The following DPH6 variants were observed in gnomAD, a reference collection of about 807,000 sequenced individuals.
DPH6 encodes the protein diphthamine biosynthesis 6, also known as diphthine--ammonia ligase.
A neutral mutation model predicts 38.2 loss-of-function variants in DPH6; 33 were observed. The ratio of observed to expected loss-of-function variants is 0.86; its 90% CI spans 0.65 to 1.15. The LOEUF is 1.15. Ranked by LOEUF, DPH6 falls within the 50% of genes most tolerant of loss-of-function variation. DPH6 has a pLI of 0.00. For synonymous variants in DPH6, 108 were observed against 103.0 expected, an observed-to-expected ratio of 1.05 and a Z score of -0.30; for missense variants, 325 against 320.0, an observed-to-expected ratio of 1.02 and a Z score of -0.12.
chr15:35,545,941 CCGAGGCACATGCGG>C (rs1185297415), intron 1 of DPH6, among the ~76,000 whole-genome samples, 164 bp downstream of exon 1: 10 of 152,122 alleles, frequency 6.6e-5, no homozygotes, highest in Non-Finnish European at 1.3e-4. Context: ...CAGCCAGGGG[CCGAGGCACATGCGG>C]GCCGGCAACA....
intron 3 of DPH6, among the ~76,000 whole-genome samples, chr15:35,283,506 C>T (rs1595460476): frequency 6.6e-6 from 1 of 151,862 alleles, no homozygotes; most frequent in South Asian, 2.1e-4. Flanking sequence ...CCATATTGGC[C>T]AGGCTGGTCT....
intron 3 of DPH6, among the ~76,000 whole-genome samples, chr15:35,257,725 A>G (rs575679210): frequency 6.6e-6 from 1 of 151,534 alleles, no homozygotes; most frequent in East Asian, 1.9e-4. Context: ...GTTGTTCAAG[A>G]ATTCCATGCT....
intron 3 of DPH6, among the ~76,000 whole-genome samples, chr15:35,344,008 A>C (rs1017168879): frequency 2.0e-5 from 3 of 152,082 alleles, no homozygotes; most frequent in Non-Finnish European, 4.4e-5. Flanking sequence ...CTGGATAAGC[A>C]TTCATTACCC....
At chr15:35,522,376 C>T in intron 3 of DPH6, 1 of 1,219,680 alleles carries the variant, frequency 8.2e-7, no homozygotes, top group Non-Finnish European at 1.1e-6. Flanking sequence ...ACCAGTCAGG[C>T]TGTCTCTGCT....
chr15:35,525,748 GA>G (rs2054991055), intron 3 of DPH6, among the ~76,000 whole-genome samples: 2 of 152,106 alleles, frequency 1.3e-5, no homozygotes, highest in South Asian at 4.1e-4. Context: ...GCTGAGGCAG[GA>G]AGATGAACTG....
In DPH6 at chr15:35,468,113, A is replaced by G. The variant is rs530596053; in HGVS notation, c.313-13293T>C. On this transcript the variant is annotated intron_variant, in intron 3 of 8. Transcript: ENST00000256538. ...AAGTAAGGCTATTTCTCAAATTTCA[A>G]TCTGCTTCAACATTCAGTCACCCAA... is the stretch of plus-strand genomic sequence containing the variant. 1.1e-4 allele frequency among the ~76,000 whole-genome samples: 16 copies of G among 152,352 alleles called. 1 individual carries two copies. Among genetic ancestry groups the G allele is most frequent in the African/African-American group, 2.9e-4 (12 of 41,584 alleles).
the DPH6 span, among the ~76,000 whole-genome samples, chr15:35,165,291 GT>G: frequency 6.6e-6 from 1 of 151,848 alleles, no homozygotes; most frequent in Non-Finnish European, 1.5e-5. Flanking sequence ...TGAATTCTCA[GT>G]TTTGTACAGC....
At chr15:35,360,613 G>A (rs931807369) in intron 3 of DPH6, among the ~76,000 whole-genome samples, 2 of 152,198 alleles carry the variant, frequency 1.3e-5, no homozygotes, top group African/African-American at 4.8e-5. Flanking sequence ...CCATAGCAGA[G>A]TGGAAATGGA....
At chr15:35,427,655 T>A (rs114319134) in intron 5 of DPH6, among the ~76,000 whole-genome samples, 247 of 151,848 alleles carry the variant, frequency 1.6e-3, no homozygotes, top group African/African-American at 5.4e-3. Flanking sequence ...CCTATTAAAC[T>A]TATCTGGAAA....
At chr15:35,232,113 T>G (rs975789100) in intron 3 of DPH6, among the ~76,000 whole-genome samples, 1 of 152,140 alleles carries the variant, frequency 6.6e-6, no homozygotes, top group Non-Finnish European at 1.5e-5. Context: ...AATGAGATTA[T>G]GGAGGGCTTG....
At chr15:35,278,335 G>A (rs1162032040) in intron 3 of DPH6, among the ~76,000 whole-genome samples, 1 of 152,246 alleles carries the variant, frequency 6.6e-6, no homozygotes, top group Non-Finnish European at 1.5e-5. Context: ...CAGCTTTCAT[G>A]TGGCAGTAAG....
At chr15:35,395,892 C>T (rs1050080232) in intron 6 of DPH6, among the ~76,000 whole-genome samples, 2 of 152,152 alleles carry the variant, frequency 1.3e-5, no homozygotes, top group African/African-American at 2.4e-5. Context: ...TAGCATAGAA[C>T]TGGGTATAGA....
intron 6 of DPH6, among the ~76,000 whole-genome samples, chr15:35,395,740 A>C (rs989485959): frequency 1.3e-5 from 2 of 152,128 alleles, no homozygotes; most frequent in Non-Finnish European, 1.5e-5. Context: ...GTTTGACTTT[A>C]CCTAGTTAAA....
the DPH6 span, among the ~76,000 whole-genome samples, chr15:35,208,850 T>C: frequency 2.0e-5 from 3 of 152,160 alleles, no homozygotes; most frequent in Admixed American, 6.6e-5. Context: ...TTCAGAACCA[T>C]TTTGTTAAGT....
chr15:35,152,726 T>G, the DPH6 span, among the ~76,000 whole-genome samples: 1 of 152,222 alleles, frequency 6.6e-6, no homozygotes, highest in Non-Finnish European at 1.5e-5. Flanking sequence ...CTCGAACTCC[T>G]GACCTCAGGT....
intron 3 of DPH6, among the ~76,000 whole-genome samples, chr15:35,306,805 C>G (rs939242634): frequency 6.6e-6 from 1 of 152,122 alleles, no homozygotes; most frequent in African/African-American, 2.4e-5. Context: ...CTGTAATTAC[C>G]TCAGCAGAGC....
rs752473433 is a variant in DPH6 at position 35,397,868 on chromosome 15, T to TATATACACACAC, written c.567+12966_567+12967insGTGTGTGTATAT. On this transcript the variant is annotated intron_variant, in intron 6 of 8. Coordinates refer to ENST00000256538, the MANE Select transcript of DPH6 (RefSeq NM_080650.4). ...AATAGATGGAATCAATTTATATATATACACACACACACACACACACACACA... is the reference window on the plus strand; with the variant it reads ...AATAGATGGAATCAATTTATATATATATATACACACACACACACACACACACACACACACACA... 1.5e-3 allele frequency among the ~76,000 whole-genome samples: 132 copies of TATATACACACAC among 87,288 alleles called. 1 individual carries two copies. In the Middle Eastern group the frequency reaches 0.024, roughly 16 times the overall value. 57.3% of individuals were successfully genotyped at this position (87,288 alleles called of 152,430 possible). A position where few individuals can be genotyped will look rare whatever the true frequency, so the allele number is the denominator to read the frequency against.
At chr15:35,453,554 AACG>A (rs2053961544) in intron 4 of DPH6, among the ~76,000 whole-genome samples, 1 of 152,124 alleles carries the variant, frequency 6.6e-6, no homozygotes, top group African/African-American at 2.4e-5. Context: ...AGTTGTTCTC[AACG>A]GTAGATCTAC....
the DPH6 span, among the ~76,000 whole-genome samples, chr15:35,159,562 A>T: frequency 6.6e-6 from 1 of 151,992 alleles, no homozygotes; most frequent in African/African-American, 2.4e-5. Flanking sequence ...AAAAAATAAC[A>T]GGTGTTGGCA....
Sources: gnomAD v4.1 joint callset for allele counts (sites outside exome capture counted in the v4.1 genomes callset) on GRCh38, gnomAD v4.1.1 for gene constraint, MANE v1.5 for transcripts, NCBI Gene and HGNC (gene_info 2026-07-23, HGNC 2026-07-21) for gene names.